Variants in NUMB observed in about 807,000 individuals in gnomAD.
NUMB encodes the protein NUMB endocytic adaptor protein.
In NUMB, 29 loss-of-function variants were observed where a neutral mutation model predicts 59.7. The observed-to-expected ratio is 0.49, with a 90% confidence interval of 0.36 to 0.66. NUMB has a LOEUF of 0.66. Ranked by LOEUF, NUMB falls within the 30% of genes least tolerant of loss-of-function variation. The pLI is 0.00. For missense variants in NUMB, 723 were observed against 822.0 expected (o/e 0.88, Z 1.47); for synonymous variants, 288 against 288.2 (o/e 1.00, Z 0.01).
intron 2 of NUMB, among the ~76,000 whole-genome samples, chr14:73,382,231 C>CCG (rs1895278351): frequency 6.6e-6 from 1 of 152,188 alleles, no homozygotes; most frequent in Non-Finnish European, 1.5e-5. Flanking sequence ...ACTGCAACCT[C>CCG]CGCCTCCTGG....
rs140434958 is a variant in NUMB, at chr14:73,318,589, T to A, written c.202-2167A>T. ...TAACCAAAGGCCTTATACACTTTTT[T>A]ATGGAATTGGCTGATATATGACAAT... On this transcript the variant is annotated intron_variant, in intron 5 of 12. Transcript: ENST00000555238. Among the ~76,000 whole-genome samples the A allele has an allele frequency of 3.8e-3, 576 of 152,298 alleles. 8 individuals are homozygous for A. The highest frequency in any genetic ancestry group is 0.013 in the African/African-American group (550 of 41,566).
intron 4 of NUMB, among the ~76,000 whole-genome samples, chr14:73,332,012 T>C (rs1487692598): frequency 2.6e-5 from 4 of 152,198 alleles, no homozygotes; most frequent in Non-Finnish European, 2.9e-5. Flanking sequence ...TGCAGGGTTA[T>C]GACTTATGAA....
At chr14:73,304,444 G>A (rs988030335) in intron 6 of NUMB, among the ~76,000 whole-genome samples, 6 of 151,916 alleles carry the variant, frequency 3.9e-5, no homozygotes, top group African/African-American at 1.5e-4. Flanking sequence ...CTGAGTAGCT[G>A]GGAGACCACA....
chr14:73,373,510 T>C (rs555794990), intron 2 of NUMB, among the ~76,000 whole-genome samples: 37 of 152,322 alleles, frequency 2.4e-4, no homozygotes, highest in African/African-American at 8.7e-4. Context: ...AACAAATCCA[T>C]CATGGGACTT....
chr14:73,441,739 C>T (rs557911373), intron 1 of NUMB, among the ~76,000 whole-genome samples: 8 of 151,786 alleles, frequency 5.3e-5, no homozygotes, highest in Non-Finnish European at 1.0e-4. Context: ...TAAAAATTAG[C>T]TGGGCATGGT....
chr14:73,396,985 A>G (rs1289690104), intron 2 of NUMB, among the ~76,000 whole-genome samples: 1 of 152,098 alleles, frequency 6.6e-6, no homozygotes, highest in Admixed American at 6.6e-5. Flanking sequence ...TTAGCCAGGC[A>G]TGGTGGCGCA....
At chr14:73,385,256 C>T (rs1159234370) in intron 2 of NUMB, among the ~76,000 whole-genome samples, 2 of 149,762 alleles carry the variant, frequency 1.3e-5, no homozygotes, top group African/African-American at 4.9e-5. Flanking sequence ...ACCTCCTGGT[C>T]TCAAGTCATC....
At chr14:73,423,153 C>A (rs896428790) in intron 1 of NUMB, among the ~76,000 whole-genome samples, 4 of 151,998 alleles carry the variant, frequency 2.6e-5, no homozygotes, top group African/African-American at 9.7e-5. Flanking sequence ...TTACAAATAT[C>A]CAGTATGGCA....
At chr14:73,313,140 C>T (rs1229384301) in intron 6 of NUMB, among the ~76,000 whole-genome samples, 1 of 151,988 alleles carries the variant, frequency 6.6e-6, no homozygotes, top group Non-Finnish European at 1.5e-5. Flanking sequence ...GTGTGTGCCA[C>T]CATGCCCAGC....
At chr14:73,367,348 T>TATATATAGAGAG (rs1555375287) in intron 2 of NUMB, among the ~76,000 whole-genome samples, 1,352 of 105,244 alleles carry the variant, frequency 0.013, 7 homozygotes, top group East Asian at 0.017. Flanking sequence ...TATATATATA[T>TATATATAGAGAG]AGAGAGAGAG....
intron 5 of NUMB, among the ~76,000 whole-genome samples, 168 bp from the exon 6 acceptor site, chr14:73,316,590 G>A (rs1594897529): frequency 6.6e-6 from 1 of 152,312 alleles, no homozygotes; most frequent in East Asian, 1.9e-4. Flanking sequence ...GAAAAAGGAA[G>A]GGTGCATGAA....
intron 9 of NUMB, chr14:73,286,511 C>T (rs1889013162): frequency 6.5e-6 from 1 of 153,104 alleles, no homozygotes; most frequent in African/African-American, 2.4e-5. Flanking sequence ...TTTGTACAGG[C>T]ATTTCTGCTG....
intron 1 of NUMB, among the ~76,000 whole-genome samples, chr14:73,453,365 C>G (rs1423312423): frequency 6.6e-6 from 1 of 152,086 alleles, no homozygotes; most frequent in Admixed American, 6.5e-5. Flanking sequence ...CTCCTGACCT[C>G]AGGTGATCCA....
chr14:73,291,964 G>A (rs1295273490), intron 8 of NUMB, among the ~76,000 whole-genome samples: 2 of 152,206 alleles, frequency 1.3e-5, no homozygotes, highest in Non-Finnish European at 2.9e-5. Context: ...GATTACAGGT[G>A]TGAACCACCG....
intron 5 of NUMB, among the ~76,000 whole-genome samples, chr14:73,321,100 G>A (rs1227084024): frequency 6.6e-6 from 1 of 151,814 alleles, no homozygotes; most frequent in Non-Finnish European, 1.5e-5. Flanking sequence ...AGGATTAACT[G>A]CTCATTAAAC....
At chr14:73,395,850 C>T (rs1410788744) in intron 2 of NUMB, among the ~76,000 whole-genome samples, 1 of 152,082 alleles carries the variant, frequency 6.6e-6, no homozygotes, top group Non-Finnish European at 1.5e-5. Flanking sequence ...CCTTAAAATA[C>T]ATTATTGTTG....
At chr14:73,440,621 G>A (rs1248346425) in intron 1 of NUMB, among the ~76,000 whole-genome samples, 9 of 151,348 alleles carry the variant, frequency 5.9e-5, no homozygotes, top group East Asian at 1.9e-4. Context: ...TGAGGCGGGC[G>A]GATCACGAGG....
At chr14:73,449,962 A>G (rs1458199481) in intron 1 of NUMB, among the ~76,000 whole-genome samples, 2 of 152,232 alleles carry the variant, frequency 1.3e-5, no homozygotes, top group African/African-American at 4.8e-5. Context: ...TGCTGGGATT[A>G]CAGATGTGAG....
chr14:73,276,826 C>G lies in NUMB; in HGVS notation c.1708G>C (p.Ala570Pro), dbSNP rs151327366. The G allele has an allele frequency of 1.3e-5, 21 of 1,614,008 alleles. No homozygotes were observed. Among genetic ancestry groups the G allele is most frequent in the Non-Finnish European group, 1.8e-5 (21 of 1,180,038 alleles). Residue 570 changes from alanine to proline, a missense_variant, in exon 13 of 13, where the codon GCT (alanine) becomes CCT (proline). Around this residue, in one of 2 missense-constraint regions of NUMB, gnomAD observed 406 missense variants for 385.4 expected, o/e 1.05. Transcript: ENST00000555238. ...QTFPHYEASS[A>P]TTSPFFKPPA... is the part of the protein sequence containing the mutation. ...GGCTTAAAGAAGGGACTGGTGGTAGCACTGCTTGCCTCGTAGTGAGGGAAT... is the reference window on the plus strand; with the variant it reads ...GGCTTAAAGAAGGGACTGGTGGTAGGACTGCTTGCCTCGTAGTGAGGGAAT...
Sources: allele counts gnomAD v4.1 joint callset (sites outside exome capture counted in the v4.1 genomes callset), GRCh38; gene constraint gnomAD v4.1.1; regional missense constraint gnomAD v4.1.1; transcripts MANE v1.5; gene names NCBI Gene and HGNC (gene_info 2026-07-23, HGNC 2026-07-21).